Variants in ZFHX3 observed in about 807,000 individuals in gnomAD.
The protein encoded by ZFHX3 is zinc finger homeobox protein 3.
Under a neutral mutation model 279.1 loss-of-function variants are expected in ZFHX3, and 42 were observed. The ratio of observed to expected loss-of-function variants is 0.15; its 90% CI spans 0.12 to 0.19. The LOEUF (loss-of-function observed/expected upper bound fraction) is 0.19, where lower values mean the gene tolerates loss of function less well. Among genes scored for constraint, ZFHX3 ranks in the 10% least tolerant of loss-of-function variants. The probability of loss-of-function intolerance (pLI) is 1.00; values close to 1 mark genes in which losing one functional copy is unlikely to be tolerated. For missense variants in ZFHX3, 4,981 were observed against 4,754.0 expected (o/e 1.05, Z -1.40); for synonymous variants, 2,293 against 1,957.8 (o/e 1.17, Z -4.52).
chr16:73,787,752 C>T (rs1327695947), intron 1 of ZFHX3, among the ~76,000 whole-genome samples: 3 of 151,716 alleles, frequency 2.0e-5, no homozygotes, highest in Non-Finnish European at 4.4e-5. Context: ...CACCACAAAT[C>T]CCAACACTGG....
chr16:73,493,508 T>C (rs1461240553), intron 2 of ZFHX3, among the ~76,000 whole-genome samples: 1 of 152,138 alleles, frequency 6.6e-6, no homozygotes, highest in Non-Finnish European at 1.5e-5. Flanking sequence ...ATGAGTGAGA[T>C]GAAGTAAACT....
intron 2 of ZFHX3, among the ~76,000 whole-genome samples, chr16:73,574,938 G>A (rs921046406): frequency 5.9e-5 from 9 of 152,110 alleles, no homozygotes; most frequent in Admixed American, 3.9e-4. Flanking sequence ...CACCGACGAC[G>A]TTCTACTCAG....
In ZFHX3 at chr16:72,784,154, A is replaced by G. The variant is rs932307467; in HGVS notation, c.*3010T>C. On this transcript the variant is annotated 3_prime_UTR_variant, in exon 10 of 10. Coordinates refer to ENST00000268489, the MANE Select transcript of ZFHX3 (RefSeq NM_006885.4). ...GTGTGCTCAGCCAATCTATTCAACC[A>G]CCTTATTGTCGCCAAACACCCACAG... is the stretch of plus-strand genomic sequence containing the variant. 1 of 152,544 alleles carries G rather than the reference A, an allele frequency of 6.6e-6. No homozygotes were observed. Among genetic ancestry groups the G allele is most frequent in the Admixed American group, 6.6e-5 (1 of 15,264 alleles). 9.4% of individuals were successfully genotyped at this position (152,544 alleles called of 1,614,324 possible). A position where few individuals can be genotyped will look rare whatever the true frequency, so the allele number is the denominator to read the frequency against.
rs192405267 is a variant in ZFHX3 at position 73,600,449 on chromosome 16, G to A, written c.-1547+79731C>T. Among the ~76,000 whole-genome samples, 49 of 135,540 alleles carry A rather than the reference G, an allele frequency of 3.6e-4. No homozygotes were observed. The East Asian group carries it at 8.4e-3, about 23-fold the overall frequency. 88.9% of individuals were successfully genotyped at this position (135,540 alleles called of 152,430 possible). ...TTTTTTTTTTTTGAGATGGAGTCTCGCTCTGTCACCCAGGCTGGAGTGCAG... is the reference window on the plus strand; with the variant it reads ...TTTTTTTTTTTTGAGATGGAGTCTCACTCTGTCACCCAGGCTGGAGTGCAG... On this transcript the variant is annotated intron_variant, in intron 2 of 17. Coordinates refer to the ZFHX3 transcript ENST00000641206.
chr16:73,214,235 C>G (rs940127621), intron 5 of ZFHX3, among the ~76,000 whole-genome samples: 3 of 152,134 alleles, frequency 2.0e-5, no homozygotes, highest in Non-Finnish European at 4.4e-5. Flanking sequence ...GGGATGAAAG[C>G]CTAAACTGTA....
At chr16:73,652,412 C>T (rs758017703) in intron 2 of ZFHX3, among the ~76,000 whole-genome samples, 2 of 152,186 alleles carry the variant, frequency 1.3e-5, no homozygotes, top group Non-Finnish European at 2.9e-5. Context: ...GAAATAAAGA[C>T]TTCTTTTAAA....
chr16:72,859,629 G>A (rs1410837433), intron 4 of ZFHX3, among the ~76,000 whole-genome samples: 1 of 152,178 alleles, frequency 6.6e-6, no homozygotes, highest in Non-Finnish European at 1.5e-5. Flanking sequence ...TAGAACAGAA[G>A]AAACCACAGG....
intron 1 of ZFHX3, 47 bp from the exon 2 acceptor site, chr16:72,960,241 G>A (rs1166959287): frequency 4.9e-6 from 7 of 1,441,860 alleles, no homozygotes; most frequent in Admixed American, 4.7e-5. Context: ...GGGAAAGAGA[G>A]AGAGAAAGGA....
At chr16:73,035,415 G>C (rs1964862753) in intron 1 of ZFHX3, among the ~76,000 whole-genome samples, 1 of 152,204 alleles carries the variant, frequency 6.6e-6, no homozygotes, top group Admixed American at 6.5e-5. Context: ...TCTCGGATAT[G>C]ACTGAGACAG....
chr16:73,579,854 TTATATA>T (rs200667144), intron 2 of ZFHX3, among the ~76,000 whole-genome samples: 5,817 of 140,854 alleles, frequency 0.041, 439 homozygotes, highest in African/African-American at 0.14. Context: ...ATTATACAGA[TTATATA>T]TATATATATA....
chr16:73,490,029 T>G (rs2019033212), intron 2 of ZFHX3, among the ~76,000 whole-genome samples: 3 of 152,264 alleles, frequency 2.0e-5, no homozygotes, highest in Non-Finnish European at 4.4e-5. Flanking sequence ...TTTATATAAT[T>G]GTTACAAATT....
At chr16:73,168,972 C>T (rs1391314057) in intron 5 of ZFHX3, among the ~76,000 whole-genome samples, 1 of 152,180 alleles carries the variant, frequency 6.6e-6, no homozygotes, top group Non-Finnish European at 1.5e-5. Context: ...CGACTCCAAA[C>T]TTCATTCAGC....
chr16:73,012,702 T>C (rs181562339), intron 1 of ZFHX3, among the ~76,000 whole-genome samples: 9 of 152,286 alleles, frequency 5.9e-5, no homozygotes, highest in East Asian at 3.9e-4. Context: ...AGAAGTATTT[T>C]CCATCCCAAA....
chr16:73,602,673 G>A (rs1459719811), intron 2 of ZFHX3, among the ~76,000 whole-genome samples: 2 of 152,028 alleles, frequency 1.3e-5, no homozygotes, highest in Non-Finnish European at 2.9e-5. Flanking sequence ...TCGGCTAGGC[G>A]CGGTGGCTCA....
intron 1 of ZFHX3, among the ~76,000 whole-genome samples, chr16:72,986,314 C>T (rs1218816430): frequency 3.3e-5 from 5 of 152,156 alleles, no homozygotes; most frequent in Admixed American, 6.5e-5. Context: ...GGGGTTTTAT[C>T]GATGGAGGGG....
At chr16:73,099,797 G>C (rs1966209630) in intron 7 of ZFHX3, among the ~76,000 whole-genome samples, 1 of 152,004 alleles carries the variant, frequency 6.6e-6, no homozygotes, top group African/African-American at 2.4e-5. Flanking sequence ...GAAGGGGAAG[G>C]AGAAAGCAGG....
chr16:73,374,537 T>C (rs914040574), intron 3 of ZFHX3, among the ~76,000 whole-genome samples: 1 of 152,250 alleles, frequency 6.6e-6, no homozygotes, highest in Non-Finnish European at 1.5e-5. Flanking sequence ...TATCATACCA[T>C]GATCACACCT....
At chr16:73,704,216 T>G (rs769557398) in intron 1 of ZFHX3, among the ~76,000 whole-genome samples, 1 of 152,082 alleles carries the variant, frequency 6.6e-6, no homozygotes, top group South Asian at 2.1e-4. Context: ...ATCCCAGTAT[T>G]AAATAAATAC....
At chr16:73,718,556 C>A (rs964985536) in intron 1 of ZFHX3, among the ~76,000 whole-genome samples, 2 of 152,056 alleles carry the variant, frequency 1.3e-5, no homozygotes, top group Admixed American at 1.3e-4. Flanking sequence ...CATGGTGCTA[C>A]CTTACACAGC....
Sources: gnomAD v4.1 joint callset for allele counts (sites outside exome capture counted in the v4.1 genomes callset) on GRCh38, gnomAD v4.1.1 for gene constraint, MANE v1.5 for transcripts, NCBI Gene and HGNC (gene_info 2026-07-23, HGNC 2026-07-21) for gene names.